The following MYT1L variants were observed in gnomAD, a reference collection of about 807,000 sequenced individuals.
MYT1L encodes myelin transcription factor 1-like protein.
Under a neutral mutation model 126.7 loss-of-function variants are expected in MYT1L, and 12 were observed. The ratio of observed to expected loss-of-function variants is 0.09; its 90% CI spans 0.06 to 0.15. The LOEUF (loss-of-function observed/expected upper bound fraction) is 0.15, where lower values mean the gene tolerates loss of function less well. Ranked by LOEUF, MYT1L falls within the 10% of genes least tolerant of loss-of-function variation. MYT1L has a pLI of 1.00. For synonymous variants in MYT1L, 541 were observed against 604.2 expected (o/e 0.90, Z 1.53); for missense variants, 979 against 1,585.2 (o/e 0.62, Z 6.49).
At chr2:1,952,836 CCTTACCTTTGCCT>C (rs2057961841) in intron 8 of MYT1L, among the ~76,000 whole-genome samples, 1 of 71,548 alleles carries the variant, frequency 1.4e-5, no homozygotes, top group African/African-American at 6.7e-5. Context: ...TCCCTCCTTC[CCTTACCTTTGCCT>C]TCCCTTACCT....
intron 3 of MYT1L, among the ~76,000 whole-genome samples, chr2:2,148,073 G>T (rs1217602956): frequency 6.6e-6 from 1 of 152,136 alleles, no homozygotes; most frequent in Non-Finnish European, 1.5e-5. Context: ...CAGGATGCAG[G>T]ATCACACCTC....
intron 2 of MYT1L, among the ~76,000 whole-genome samples, chr2:2,185,689 C>G (rs1358325927): frequency 1.8e-4 from 25 of 137,722 alleles, no homozygotes; most frequent in Non-Finnish European, 3.4e-4. Flanking sequence ...GGGACGCAGC[C>G]GGGCCTTCCG....
rs933261159 is a variant in MYT1L, at chr2:2,311,221, C to G, written c.-521+19746G>C. On this transcript the variant is annotated intron_variant, in intron 1 of 24. Transcript: ENST00000647738. The stretch of plus-strand genomic sequence containing the variant: ...AAGAGTCAGAAAAGGAGGCTGATGT[C>G]AAACCCAAGCTGACAATGCATGAGA... Among the ~76,000 whole-genome samples, 8 of 152,190 alleles carry G rather than the reference C, an allele frequency of 5.3e-5. No homozygotes were observed. The South Asian group carries it at 1.4e-3, about 28-fold the overall frequency.
At chr2:2,046,454 AAG>A (rs1390584515) in intron 4 of MYT1L, among the ~76,000 whole-genome samples, 1 of 152,264 alleles carries the variant, frequency 6.6e-6, no homozygotes, top group Non-Finnish European at 1.5e-5. Context: ...TCTTATAAAC[AAG>A]ACTTGTAATG....
intron 21 of MYT1L, chr2:1,810,192 T>A (rs1241129306): frequency 1.3e-4 from 20 of 151,090 alleles, no homozygotes; most frequent in African/African-American, 4.4e-4. Context: ...AGTGGCCCGA[T>A]GTCGGCTCAC....
At chr2:2,322,951 C>G (rs535553328) in intron 1 of MYT1L, among the ~76,000 whole-genome samples, 1 of 152,084 alleles carries the variant, frequency 6.6e-6, no homozygotes, top group East Asian at 1.9e-4. Context: ...TTTCTTCATT[C>G]TAGTTTACCA....
At chr2:2,256,462 C>CTACAGCAG (rs2094816237) in intron 2 of MYT1L, among the ~76,000 whole-genome samples, 1 of 152,210 alleles carries the variant, frequency 6.6e-6, no homozygotes, top group Non-Finnish European at 1.5e-5. Flanking sequence ...CTGCTTAGCG[C>CTACAGCAG]TACAGCAGCA....
chr2:2,021,614 C>T (rs1020443790), intron 4 of MYT1L, among the ~76,000 whole-genome samples: 2 of 152,126 alleles, frequency 1.3e-5, no homozygotes, highest in African/African-American at 4.8e-5. Context: ...TGTAAGTTTA[C>T]CAGCCGGGCG....
intron 1 of MYT1L, among the ~76,000 whole-genome samples, chr2:2,316,344 G>T (rs900232724): frequency 2.1e-4 from 32 of 152,150 alleles, no homozygotes; most frequent in African/African-American, 7.2e-4. Flanking sequence ...GTCATTTTGG[G>T]TGCCTTCTGC....
chr2:1,930,122 T>C (rs141761648), intron 9 of MYT1L, among the ~76,000 whole-genome samples: 96 of 152,260 alleles, frequency 6.3e-4, no homozygotes, highest in African/African-American at 2.1e-3. Flanking sequence ...AGACCCCTAA[T>C]TTGAGTAAGC....
chr2:2,247,919 G>T (rs1459755301), intron 2 of MYT1L, among the ~76,000 whole-genome samples: 1 of 151,916 alleles, frequency 6.6e-6, no homozygotes, highest in East Asian at 1.9e-4. Context: ...AGCTGTAAGT[G>T]CTTACATCGA....
chr2:2,242,790 T>C (rs73913273), intron 2 of MYT1L, among the ~76,000 whole-genome samples: 4,039 of 152,308 alleles, frequency 0.027, 173 homozygotes, highest in African/African-American at 0.092. Flanking sequence ...AAGTCGAATA[T>C]GGCTAAGGAG....
chr2:2,117,532 T>G (rs777063978), intron 3 of MYT1L, among the ~76,000 whole-genome samples: 1 of 152,094 alleles, frequency 6.6e-6, no homozygotes, highest in Non-Finnish European at 1.5e-5. Flanking sequence ...AAAGCATCTG[T>G]GCCAAGACGC....
intron 3 of MYT1L, among the ~76,000 whole-genome samples, chr2:2,128,495 C>T (rs1464034340): frequency 6.6e-6 from 1 of 152,040 alleles, no homozygotes; most frequent in East Asian, 1.9e-4. Flanking sequence ...TCTACAGTGC[C>T]TAACTTTATG....
Position 1,922,854 on chromosome 2 carries a change from G to A in MYT1L, c.915C>T (p.Pro305=), listed in dbSNP as rs183694893. The A allele has an allele frequency of 6.4e-5, 104 of 1,613,976 alleles. No homozygotes were observed. The African/African-American group carries it at 1.3e-3, about 21-fold the overall frequency. ...TCTTTTCCATGAGTCCGTTGTTCAT[G>A]GGCTTCCCCAACATGACGTAATTCA... The part of the protein sequence containing the change: ...RNMNYVMLGK[P]MNNGLMEKMV... Residue 305 remains proline (P), a synonymous_variant, in exon 10 of 25, where the codon CCC becomes CCT. Transcript: ENST00000647738. This position sits in a 1 kb window ranked among gnomAD's most constrained non-coding sequence, Gnocchi z 7.4.
chr2:2,107,422 G>C (rs556165853), intron 3 of MYT1L, among the ~76,000 whole-genome samples: 14 of 152,316 alleles, frequency 9.2e-5, no homozygotes, highest in African/African-American at 2.9e-4. Context: ...GAAGTTGTCA[G>C]AAACCACCTG....
chr2:1,866,956 A>G (rs1322695029), intron 18 of MYT1L, among the ~76,000 whole-genome samples: 12 of 123,888 alleles, frequency 9.7e-5, no homozygotes, highest in African/African-American at 4.0e-4. Flanking sequence ...AGAGAAACAG[A>G]AAGAGAGAGA....
rs113665648 is a variant in MYT1L at position 2,032,571 on chromosome 2, C to A, written c.-158+21407G>T. Among the ~76,000 whole-genome samples, 1,025 of 115,204 alleles carry A rather than the reference C, an allele frequency of 8.9e-3. 23 individuals carry two copies. Among genetic ancestry groups the A allele is most frequent in the African/African-American group, 0.032 (960 of 29,894 alleles). The allele number at this position is 115,204 out of a possible 152,430, so 75.6% of individuals were successfully genotyped here. A position where few individuals can be genotyped will look rare whatever the true frequency, so the allele number is the denominator to read the frequency against. Reference sequence around the variant, plus strand: ...TCCCTCCCCAGTGCCTCTCATCCTGCGGCCCAGAGAAGATTCTAGAAGGAG... The same window carrying A: ...TCCCTCCCCAGTGCCTCTCATCCTGAGGCCCAGAGAAGATTCTAGAAGGAG... On this transcript the variant is annotated intron_variant, in intron 4 of 24. Coordinates refer to ENST00000647738, the MANE Select transcript of MYT1L (RefSeq NM_001303052.2).
At position 1,791,109 on chromosome 2, in the gene MYT1L, T is replaced by C; in HGVS notation, c.*758A>G. The C allele has an allele frequency of 2.3e-6, 1 of 426,272 alleles. No homozygotes were observed. Among genetic ancestry groups the C allele is most frequent in the Admixed American group, 3.1e-5 (1 of 32,586 alleles). 26.4% of individuals were successfully genotyped at this position (426,272 alleles called of 1,614,324 possible). ...TAACGCTTAGGAGTTAATTTAAAAGTGCTGTTTAAGCTGCTTTGAATCTTC... is the reference window on the plus strand; with the variant it reads ...TAACGCTTAGGAGTTAATTTAAAAGCGCTGTTTAAGCTGCTTTGAATCTTC... On this transcript the variant is annotated 3_prime_UTR_variant, in exon 25 of 25. Coordinates refer to ENST00000647738, the MANE Select transcript of MYT1L (RefSeq NM_001303052.2). This position sits in a 1 kb window ranked among gnomAD's most constrained non-coding sequence, Gnocchi z 6.0.
Sources: allele counts gnomAD v4.1 joint callset (sites outside exome capture counted in the v4.1 genomes callset), GRCh38; gene constraint gnomAD v4.1.1; non-coding constraint Gnocchi (gnomAD v3.1); transcripts MANE v1.5; gene names NCBI Gene and HGNC (gene_info 2026-07-23, HGNC 2026-07-21).